Variants in LRSAM1 observed in about 807,000 individuals in gnomAD.
LRSAM1 encodes the protein E3 ubiquitin-protein ligase LRSAM1.
In LRSAM1, 96 loss-of-function variants were observed where a neutral mutation model predicts 118.1. The observed-to-expected ratio is 0.81, with a 90% confidence interval of 0.69 to 0.96. The LOEUF (loss-of-function observed/expected upper bound fraction) is 0.96, where lower values mean the gene tolerates loss of function less well. Ranked by LOEUF, LRSAM1 falls within the 40% of genes least tolerant of loss-of-function variation. The probability of loss-of-function intolerance (pLI) is 0.00; values close to 1 mark genes in which losing one functional copy is unlikely to be tolerated. For synonymous variants in LRSAM1, 322 were observed against 364.2 expected (o/e 0.88, Z 1.32); for missense variants, 804 against 915.5 (o/e 0.88, Z 1.57).
intron 8 of LRSAM1, among the ~76,000 whole-genome samples, chr9:127,461,990 T>C (rs1834765545): frequency 6.6e-6 from 1 of 152,212 alleles, no homozygotes; most frequent in Admixed American, 6.5e-5. Context: ...CGTGTTCTTA[T>C]AAGGCTGGGT....
chr9:127,491,192 AC>A (rs756674050), intron 19 of LRSAM1, 22 bp from the exon 20 acceptor site: 4 of 1,604,234 alleles, frequency 2.5e-6, no homozygotes, highest in South Asian at 1.1e-5. Flanking sequence ...GTAAAAAAAA[AC>A]CCTGTCTCGT....
In LRSAM1 at chr9:127,503,269, C is replaced by T. The variant is rs370358510; in HGVS notation, c.*370C>T. The T allele has an allele frequency of 1.5e-4, 50 of 322,940 alleles. 1 individual carries two copies. In the East Asian group the frequency reaches 1.9e-3, roughly 12 times the overall value. The allele number at this position is 322,940 out of a possible 1,614,324, so 20.0% of individuals were successfully genotyped here. On this transcript the variant is annotated 3_prime_UTR_variant, in exon 26 of 26. Transcript: ENST00000300417. ...CTCATCTGGGGGCCATGCACAGGCC[C>T]GTCCCACCCTGCATGTGGGAAGGGA...
chr9:127,487,472 C>A (rs1030775887), intron 17 of LRSAM1: 5 of 539,608 alleles, frequency 9.3e-6, no homozygotes, highest in Admixed American at 2.6e-5. Flanking sequence ...TCCCAGCTCC[C>A]AACTCGATCC....
At chr9:127,455,654 G>A (rs752012848) in intron 5 of LRSAM1, 34 bp downstream of exon 5, 3 of 1,608,094 alleles carry the variant, frequency 1.9e-6, no homozygotes, top group Middle Eastern at 1.7e-4. Flanking sequence ...AGACTTTCTT[G>A]TTGCATGTCT....
intron 18 of LRSAM1, 109 bp from the exon 19 acceptor site, chr9:127,489,335 A>G: frequency 7.8e-7 from 1 of 1,283,120 alleles, no homozygotes; most frequent in Non-Finnish European, 1.1e-6. Flanking sequence ...CTCAGAAAAA[A>G]CCCATCCATT....
intron 9 of LRSAM1, 111 bp downstream of exon 9, chr9:127,462,484 A>G (rs1464725857): frequency 6.5e-7 from 1 of 1,550,304 alleles, no homozygotes; most frequent in African/African-American, 1.4e-5. Context: ...CCACACAGAG[A>G]TCCCAAGGCA....
chr9:127,458,990 C>A lies in LRSAM1; in HGVS notation c.253-13C>A, dbSNP rs750921683. The A allele has an allele frequency of 8.7e-6, 14 of 1,613,436 alleles. No homozygotes were observed. The highest frequency in any genetic ancestry group is 1.2e-5 in the Non-Finnish European group (14 of 1,179,982). ...TTCTCACTTGGAGACTCACAGGGGT[C>A]TTTCTTCTGCAGGTTCTAGATCTCC... On this transcript the variant is annotated splice_polypyrimidine_tract_variant and intron_variant, in intron 6 of 25. Coordinates refer to ENST00000300417, the MANE Select transcript of LRSAM1 (RefSeq NM_001005373.4).
chr9:127,477,057 C>T (rs1835370987), intron 11 of LRSAM1, among the ~76,000 whole-genome samples: 1 of 152,180 alleles, frequency 6.6e-6, no homozygotes, highest in African/African-American at 2.4e-5. Context: ...TGTTCACTAA[C>T]ATTGGGTGAA....
intron 18 of LRSAM1, among the ~76,000 whole-genome samples, 198 bp from the exon 19 acceptor site, chr9:127,489,245 GC>G (rs1354338155): frequency 6.6e-6 from 1 of 152,208 alleles, no homozygotes; most frequent in African/African-American, 2.4e-5. Flanking sequence ...TGCCGGAAGT[GC>G]ATCAGGTAGA....
intron 9 of LRSAM1, among the ~76,000 whole-genome samples, chr9:127,466,901 G>T (rs1430681975): frequency 6.6e-6 from 1 of 152,116 alleles, no homozygotes; most frequent in Non-Finnish European, 1.5e-5. Flanking sequence ...TACTCAGGAG[G>T]CTGAAGTGGG....
intron 10 of LRSAM1, among the ~76,000 whole-genome samples, chr9:127,470,443 C>T (rs1281894200): frequency 2.0e-5 from 3 of 152,022 alleles, no homozygotes; most frequent in South Asian, 2.1e-4. Context: ...TCACCTCCCA[C>T]GAGTTCCCGC....
At chr9:127,497,208 G>A (rs1174336583) in intron 23 of LRSAM1, 45 bp from the exon 24 acceptor site, 9 of 1,603,006 alleles carry the variant, frequency 5.6e-6, no homozygotes, top group Non-Finnish European at 7.7e-6. Context: ...CCATTTAGCG[G>A]GCTCCCGCCC....
At chr9:127,462,561 T>C (rs550802655) in intron 9 of LRSAM1, among the ~76,000 whole-genome samples, 188 bp downstream of exon 9, 1 of 152,044 alleles carries the variant, frequency 6.6e-6, no homozygotes, top group East Asian at 1.9e-4. Context: ...TTTGCTGCCA[T>C]AATAGAGGCA....
At chr9:127,471,472 TAAAAAAAAAAAAA>T (rs71380064) in intron 10 of LRSAM1, among the ~76,000 whole-genome samples, 1 of 68,032 alleles carries the variant, frequency 1.5e-5, no homozygotes, top group Non-Finnish European at 2.6e-5. Flanking sequence ...CCTTATGTTA[TAAAAAAAAAAAAA>T]AAAAAAAAAA....
chr9:127,452,431 C>T (rs1187130458), intron 2 of LRSAM1: 1 of 152,296 alleles, frequency 6.6e-6, no homozygotes, highest in Non-Finnish European at 1.5e-5. Context: ...GACAGCCCCG[C>T]CCCCGTGGGT....
At chr9:127,482,863 C>T in intron 15 of LRSAM1, 87 bp from the exon 16 acceptor site, 1 of 1,299,118 alleles carries the variant, frequency 7.7e-7, no homozygotes, top group Non-Finnish European at 1.1e-6. Context: ...ATCAAGGAGG[C>T]CTTCCTGGAG....
chr9:127,485,799 C>G lies in LRSAM1; in HGVS notation c.1223C>G (p.Ser408Cys). ...KNRLIQMAYE[S>C]QRQNLVQQAC... ...CGGCTCATCCAGATGGCCTACGAAT[C>G]TCAGAGGCAGAACTTGGTCCAGCAG... The change falls in exon 17 of 26, where the codon TCT becomes TGT. Residue 408 changes from serine to cysteine, a missense_variant. By Grantham distance (112) the Ser-to-Cys change is moderately radical. Transcript: ENST00000300417. 1.2e-6 allele frequency: 2 copies of G among 1,614,164 alleles called. No homozygotes were observed. The highest frequency in any genetic ancestry group is 1.7e-6 in the Non-Finnish European group (2 of 1,180,030).
intron 21 of LRSAM1, among the ~76,000 whole-genome samples, 197 bp downstream of exon 21, chr9:127,493,094 C>T (rs1363796556): frequency 6.6e-6 from 1 of 152,238 alleles, no homozygotes; most frequent in Non-Finnish European, 1.5e-5. Flanking sequence ...CAGGGTCTCA[C>T]TCTGTCGCCC....
intron 11 of LRSAM1, among the ~76,000 whole-genome samples, chr9:127,478,158 A>ATTATT (rs1835407526): frequency 6.6e-6 from 1 of 152,150 alleles, no homozygotes; most frequent in Non-Finnish European, 1.5e-5. Flanking sequence ...ATTACATTAC[A>ATTATT]TTATTGATGT....
Sources: allele counts gnomAD v4.1 joint callset (sites outside exome capture counted in the v4.1 genomes callset), GRCh38; gene constraint gnomAD v4.1.1; transcripts MANE v1.5; gene names NCBI Gene and HGNC (gene_info 2026-07-23, HGNC 2026-07-21).